Variants in FBXO32 observed in about 807,000 individuals in gnomAD.
FBXO32 encodes F-box protein 32.
Under a neutral mutation model 48.3 loss-of-function variants are expected in FBXO32, and 15 were observed. The ratio of observed to expected loss-of-function variants is 0.31; its 90% CI spans 0.21 to 0.48. The LOEUF (loss-of-function observed/expected upper bound fraction) is 0.48. Ranked by LOEUF, FBXO32 falls within the 20% of genes least tolerant of loss-of-function variation. The probability of loss-of-function intolerance (pLI) is 0.99; values close to 1 mark genes in which losing one functional copy is unlikely to be tolerated. For synonymous variants in FBXO32, 154 were observed against 165.9 expected, an observed-to-expected ratio of 0.93 and a Z score of 0.55; for missense variants, 309 against 432.7, an observed-to-expected ratio of 0.71 and a Z score of 2.54.
chr8:123,506,545 G>A lies in FBXO32; in HGVS notation c.681C>T (p.Asp227=), dbSNP rs778207483. The change falls in exon 7 of 9, where the codon GAC becomes GAT. Residue 227 remains aspartate (D), a synonymous_variant. Coordinates refer to ENST00000517956, the MANE Select transcript of FBXO32 (RefSeq NM_058229.4). The surrounding 1 kb of genome is among the most constrained non-coding windows in gnomAD (Gnocchi z 4.0). The part of the protein sequence containing the change: ...RPAFKGLTFT[D]LPLCLQLNIM... The stretch of plus-strand genomic sequence containing the variant: ...TGTTCAGTTGTAGGCACAAAGGCAG[G>A]TCAGTGAAGGTGAGGCCTTTGAAGG... 6.2e-7 allele frequency: 1 copy of A among 1,605,074 alleles called. No individual in the cohort carries two copies. Among genetic ancestry groups the A allele is most frequent in the Admixed American group, 1.7e-5 (1 of 59,566 alleles).
chr8:123,518,046 G>T (rs1356165686), intron 4 of FBXO32, among the ~76,000 whole-genome samples: 1 of 152,184 alleles, frequency 6.6e-6, no homozygotes, highest in African/African-American at 2.4e-5. Context: ...GTAAATGAGT[G>T]GGCATGGGTG....
chr8:123,541,196 C>T lies in FBXO32; in HGVS notation c.-182G>A, dbSNP rs1399483525. Reference sequence around the variant, plus strand: ...GAGAGGATCTCAAGCGTTGCAGGCTCCGGGAGTGCTGCGCGGCAGTAGCTG... The same window carrying T: ...GAGAGGATCTCAAGCGTTGCAGGCTTCGGGAGTGCTGCGCGGCAGTAGCTG... On this transcript the variant is annotated 5_prime_UTR_variant, in exon 1 of 9. Transcript: ENST00000517956. 8.2e-6 allele frequency: 3 copies of T among 366,858 alleles called. No homozygotes were observed. The East Asian group carries it at 1.2e-4, about 15-fold the overall frequency. 22.7% of individuals were successfully genotyped at this position (366,858 alleles called of 1,614,324 possible). A position where few individuals can be genotyped will look rare whatever the true frequency, so the allele number is the denominator to read the frequency against.
rs1361337095 is a variant in FBXO32, at chr8:123,506,716, C to G, written c.652-142G>C. On this transcript the variant is annotated intron_variant, in intron 6 of 8. Coordinates refer to ENST00000517956, the MANE Select transcript of FBXO32 (RefSeq NM_058229.4). The surrounding 1 kb of genome is among the most constrained non-coding windows in gnomAD (Gnocchi z 4.0). The stretch of plus-strand genomic sequence containing the variant: ...GAGGTCGAAAGCAGTAGTAAATCTC[C>G]CCATCCTAAATGCAGACAGGAGACC... 1.0e-5 allele frequency: 7 copies of G among 673,042 alleles called. No individual in the cohort carries two copies. The highest frequency in any genetic ancestry group is 1.8e-5 in the Non-Finnish European group (7 of 392,604). The allele number at this position is 673,042 out of a possible 1,614,324, so 41.7% of individuals were successfully genotyped here. A position where few individuals can be genotyped will look rare whatever the true frequency, so the allele number is the denominator to read the frequency against.
At chr8:123,509,576 T>G (rs1444149387) in intron 6 of FBXO32, among the ~76,000 whole-genome samples, 2 of 152,040 alleles carry the variant, frequency 1.3e-5, no homozygotes, top group Non-Finnish European at 2.9e-5. Context: ...GGCGAGTGAC[T>G]GTAGTCCCAG....
At position 123,506,721 on chromosome 8, in the gene FBXO32, C is replaced by T; in HGVS notation, c.652-147G>A. ...CGAAAGCAGTAGTAAATCTCCCCATCCTAAATGCAGACAGGAGACCATGGC... is the reference window on the plus strand; with the variant it reads ...CGAAAGCAGTAGTAAATCTCCCCATTCTAAATGCAGACAGGAGACCATGGC... On this transcript the variant is annotated intron_variant, in intron 6 of 8. Transcript: ENST00000517956. The surrounding 1 kb of genome is among the most constrained non-coding windows in gnomAD (Gnocchi z 4.0). 1.5e-6 allele frequency: 1 copy of T among 654,848 alleles called. No homozygotes were observed. Among genetic ancestry groups the T allele is most frequent in the Admixed American group, 3.1e-5 (1 of 32,548 alleles). The allele number at this position is 654,848 out of a possible 1,614,324, so 40.6% of individuals were successfully genotyped here.
intron 5 of FBXO32, 137 bp downstream of exon 5, chr8:123,514,103 T>G: frequency 1.6e-6 from 1 of 640,232 alleles, no homozygotes; most frequent in Non-Finnish European, 2.7e-6. Flanking sequence ...ATTTAGTGTC[T>G]CTAAAATGTA....
rs552892015 is a variant in FBXO32, at chr8:123,499,997, T to C, written c.*3376A>G. On this transcript the variant is annotated 3_prime_UTR_variant, in exon 9 of 9. Coordinates refer to ENST00000517956, the MANE Select transcript of FBXO32 (RefSeq NM_058229.4). The stretch of plus-strand genomic sequence containing the variant: ...AAACCTGATCATCATTAAACAAAAA[T>C]CATCTCACAACTGATACATTGGGGA... 6.6e-6 allele frequency: 1 copy of C among 152,318 alleles called. No individual in the cohort carries two copies. Among genetic ancestry groups the C allele is most frequent in the African/African-American group, 2.4e-5 (1 of 41,574 alleles). 9.4% of individuals were successfully genotyped at this position (152,318 alleles called of 1,614,324 possible).
At chr8:123,533,315 T>C (rs1817246562) in intron 2 of FBXO32, 75 bp from the exon 3 acceptor site, 1 of 1,256,646 alleles carries the variant, frequency 8.0e-7, no homozygotes, top group Admixed American at 2.0e-5. Flanking sequence ...ATTTCATTTA[T>C]TCCAAAGTTT....
rs1327057514 is a variant in FBXO32 at position 123,499,357 on chromosome 8, T to C, written c.*4016A>G. 1 of 152,102 alleles carries C rather than the reference T, an allele frequency of 6.6e-6. No individual in the cohort carries two copies. Among genetic ancestry groups the C allele is most frequent in the African/African-American group, 2.4e-5 (1 of 41,416 alleles). 9.4% of individuals were successfully genotyped at this position (152,102 alleles called of 1,614,324 possible). ...AAGATATATCAAAGAACAACATCTC[T>C]GTATTGGCCTACAGGTTCAGAGTGT... is the stretch of plus-strand genomic sequence containing the variant. On this transcript the variant is annotated 3_prime_UTR_variant, in exon 9 of 9. Transcript: ENST00000517956.
chr8:123,539,208 A>G (rs1329064437), intron 1 of FBXO32, among the ~76,000 whole-genome samples: 2 of 152,166 alleles, frequency 1.3e-5, no homozygotes, highest in African/African-American at 4.8e-5. Flanking sequence ...ACTGAGGAGC[A>G]TCCTGCAATT....
rs1010414434 is a variant in FBXO32 at position 123,500,242 on chromosome 8, C to T, written c.*3131G>A. 1 of 152,184 alleles carries T rather than the reference C, an allele frequency of 6.6e-6. No homozygotes were observed. Among genetic ancestry groups the T allele is most frequent in the Non-Finnish European group, 1.5e-5 (1 of 68,044 alleles). The allele number at this position is 152,184 out of a possible 1,614,324, so 9.4% of individuals were successfully genotyped here. On this transcript the variant is annotated 3_prime_UTR_variant, in exon 9 of 9. Transcript: ENST00000517956. ...TTACTCTCAAGAGACTCTAGGCTCA[C>T]TGCCCATAAACCTTTGAGTTGGACC...
At chr8:123,504,853 T>A in intron 7 of FBXO32, 106 bp from the exon 8 acceptor site, 1 of 1,084,702 alleles carries the variant, frequency 9.2e-7, no homozygotes, top group Non-Finnish European at 1.3e-6. Flanking sequence ...CCCCCTCTTT[T>A]CAGCTCTACA....
chr8:123,534,123 A>AAAAAAAAAAAAACACC lies in FBXO32; in HGVS notation c.229+578_229+579insGGTGTTTTTTTTTTTT, dbSNP rs1491569939. Among the ~76,000 whole-genome samples the AAAAAAAAAAAAACACC allele has an allele frequency of 6.2e-3, 349 of 56,074 alleles. 1 individual carries two copies. Among genetic ancestry groups the AAAAAAAAAAAAACACC allele is most frequent in the African/African-American group, 0.024 (333 of 13,930 alleles). 36.8% of individuals were successfully genotyped at this position (56,074 alleles called of 152,430 possible). A position where few individuals can be genotyped will look rare whatever the true frequency, so the allele number is the denominator to read the frequency against. Reference sequence around the variant, plus strand: ...CAAAAACAAACAAACAAAAAACACCAAAAAAAAAAAAAACACCCCTAATAC... The same window carrying AAAAAAAAAAAAACACC: ...CAAAAACAAACAAACAAAAAACACCAAAAAAAAAAAAACACCAAAAAAAAAAAAACACCCCTAATAC... On this transcript the variant is annotated intron_variant, in intron 2 of 8. Transcript: ENST00000517956.
rs1817382519 is a variant in FBXO32 at position 123,540,088 on chromosome 8, C to T, written c.116+811G>A. Reference sequence around the variant, plus strand: ...GCCAGACCACAGAGCTCAGGTGAGGCCTCGAATCCAGAGGCTCACCGGGGC... The same window carrying T: ...GCCAGACCACAGAGCTCAGGTGAGGTCTCGAATCCAGAGGCTCACCGGGGC... On this transcript the variant is annotated intron_variant, in intron 1 of 8. Coordinates refer to ENST00000517956, the MANE Select transcript of FBXO32 (RefSeq NM_058229.4). This position sits in a 1 kb window ranked among gnomAD's most constrained non-coding sequence, Gnocchi z 6.4. Among the ~76,000 whole-genome samples the T allele has an allele frequency of 6.6e-6, 1 of 152,326 alleles. No individual in the cohort carries two copies.
chr8:123,524,809 C>T (rs906102418), intron 4 of FBXO32, among the ~76,000 whole-genome samples: 14 of 152,364 alleles, frequency 9.2e-5, no homozygotes, highest in South Asian at 4.1e-4. Context: ...TGAGCCACCA[C>T]GCCCGGCTCT....
rs149560046 is a variant in FBXO32, at chr8:123,525,881, G to T, written c.372+6017C>A. On this transcript the variant is annotated intron_variant, in intron 4 of 8. Transcript: ENST00000517956. The surrounding 1 kb of genome is among the most constrained non-coding windows in gnomAD (Gnocchi z 4.3). ...CATCTGGGGATGCCAGAGCCTGTTA[G>T]AAGTCATGACTTTCTGAAACACTGC... Among the ~76,000 whole-genome samples the T allele has an allele frequency of 9.9e-5, 15 of 152,268 alleles. No individual in the cohort carries two copies. Among genetic ancestry groups the T allele is most frequent in the Non-Finnish European group, 2.1e-4 (14 of 68,018 alleles).
chr8:123,516,220 G>A (rs1277872121), intron 4 of FBXO32, among the ~76,000 whole-genome samples: 1 of 152,132 alleles, frequency 6.6e-6, no homozygotes, highest in Non-Finnish European at 1.5e-5. Flanking sequence ...AACAAAAGAG[G>A]TTGATATAAA....
chr8:123,531,921 T>C lies in FBXO32; in HGVS notation c.349A>G (p.Arg117Gly). ...ACCCGGACCACGTAGTTAAATCTTC[T>C]GGAATCCAGAATGGCAGTTGAGAAG... ...LDFSTAILDSRRFNYVVRLLE... is the reference protein window; with the variant it reads ...LDFSTAILDSGRFNYVVRLLE... Residue 117 changes from arginine to glycine, a missense_variant, in exon 4 of 9, where the codon AGA becomes GGA. Physicochemically the swap from Arg to Gly is moderately radical, Grantham distance 125 (BLOSUM62 -2). Transcript: ENST00000517956. 1 of 1,614,208 alleles carries C rather than the reference T, an allele frequency of 6.2e-7. No individual in the cohort carries two copies. The highest frequency in any genetic ancestry group is 8.5e-7 in the Non-Finnish European group (1 of 1,180,038).
chr8:123,531,847 G>T, intron 4 of FBXO32, 51 bp downstream of exon 4: 1 of 1,599,190 alleles, frequency 6.3e-7, no homozygotes, highest in South Asian at 1.1e-5. Context: ...CCAAAGAGAT[G>T]ATTCAACTTG....
Sources: gnomAD v4.1 joint callset for allele counts (sites outside exome capture counted in the v4.1 genomes callset) on GRCh38, gnomAD v4.1.1 for gene constraint, Gnocchi (gnomAD v3.1) non-coding constraint, MANE v1.5 for transcripts, NCBI Gene and HGNC (gene_info 2026-07-23, HGNC 2026-07-21) for gene names.